JAZF1: variants seen among roughly 807,000 people sequenced by gnomAD.
The protein encoded by JAZF1 is JAZF zinc finger 1.
In JAZF1, 8 loss-of-function variants were observed where a neutral mutation model predicts 26.4. The observed-to-expected ratio is 0.30, with a 90% CI of 0.18 to 0.55. The LOEUF (loss-of-function observed/expected upper bound fraction) is 0.55, where lower values mean the gene tolerates loss of function less well. JAZF1 is among the 20% of genes least tolerant of loss of function. The pLI is 0.94. For missense variants in JAZF1, 199 were observed against 322.0 expected, an observed-to-expected ratio of 0.62 and a Z score of 2.92; for synonymous variants, 126 against 122.3, an observed-to-expected ratio of 1.03 and a Z score of -0.20.
At chr7:27,972,945 G>GTA (rs1554279106) in intron 2 of JAZF1, among the ~76,000 whole-genome samples, 8 of 123,716 alleles carry the variant, frequency 6.5e-5, no homozygotes, top group East Asian at 2.4e-4. Context: ...ATATGTGTGT[G>GTA]TATATATACA....
intron 4 of JAZF1, among the ~76,000 whole-genome samples, chr7:27,837,863 CAA>C (rs1782847378): frequency 1.3e-5 from 2 of 152,142 alleles, no homozygotes; most frequent in African/African-American, 4.8e-5. Context: ...CACAAATTTA[CAA>C]AGTCAGAAGA....
At chr7:28,131,798 T>G (rs916403182) in intron 1 of JAZF1, among the ~76,000 whole-genome samples, 20 of 152,342 alleles carry the variant, frequency 1.3e-4, no homozygotes, top group African/African-American at 4.8e-4. Context: ...GGCTGTTACT[T>G]TGCCATGGGC....
intron 1 of JAZF1, among the ~76,000 whole-genome samples, chr7:28,032,256 A>G (rs1403923065): frequency 2.0e-5 from 3 of 152,240 alleles, no homozygotes; most frequent in East Asian, 3.8e-4. Flanking sequence ...TGAAATCTGC[A>G]TAAGAATCAA....
At chr7:27,969,510 T>C (rs1785337372) in intron 2 of JAZF1, among the ~76,000 whole-genome samples, 1 of 151,846 alleles carries the variant, frequency 6.6e-6, no homozygotes, top group South Asian at 2.1e-4. Flanking sequence ...GAATTGACTG[T>C]CAAGGAAAAT....
intron 1 of JAZF1, among the ~76,000 whole-genome samples, chr7:28,130,040 A>G (rs1782765211): frequency 2.0e-5 from 3 of 152,216 alleles, no homozygotes; most frequent in Admixed American, 6.5e-5. Flanking sequence ...TAACCAGCAC[A>G]TAAATACAAA....
chr7:28,150,462 T>G (rs1783094810), intron 1 of JAZF1, among the ~76,000 whole-genome samples: 1 of 152,222 alleles, frequency 6.6e-6, no homozygotes, highest in African/African-American at 2.4e-5. Context: ...GTGCACACAT[T>G]CATCAAAAGG....
chr7:27,999,770 G>A (rs1368737031), intron 1 of JAZF1, among the ~76,000 whole-genome samples: 1 of 152,188 alleles, frequency 6.6e-6, no homozygotes, highest in Non-Finnish European at 1.5e-5. Flanking sequence ...CCCTGGACAT[G>A]CAGTACCACA....
chr7:28,165,685 G>A (rs572554685), intron 1 of JAZF1, among the ~76,000 whole-genome samples: 15 of 152,056 alleles, frequency 9.9e-5, no homozygotes, highest in South Asian at 6.2e-4. Flanking sequence ...CCCCTTCATT[G>A]AGCTTCACTG....
intron 3 of JAZF1, among the ~76,000 whole-genome samples, chr7:27,858,330 C>T (rs142423102): frequency 5.3e-4 from 81 of 152,296 alleles, no homozygotes; most frequent in Non-Finnish European, 9.4e-4. Context: ...AGATTCAATG[C>T]TATCCTCATC....
intron 3 of JAZF1, chr7:27,846,617 T>C (rs1411442703): frequency 6.5e-6 from 3 of 463,632 alleles, no homozygotes; most frequent in African/African-American, 6.0e-5. Flanking sequence ...ACACTTGTTA[T>C]TACTTGTCTT....
At chr7:28,124,643 A>T (rs1782668144) in intron 1 of JAZF1, among the ~76,000 whole-genome samples, 1 of 152,224 alleles carries the variant, frequency 6.6e-6, no homozygotes, top group African/African-American at 2.4e-5. Flanking sequence ...ACCAAAGTGG[A>T]GTATAAAATA....
chr7:28,133,590 A>C (rs887545510), intron 1 of JAZF1, among the ~76,000 whole-genome samples: 1 of 152,188 alleles, frequency 6.6e-6, no homozygotes, highest in Admixed American at 6.5e-5. Context: ...AAAACCTAGA[A>C]CCAGGCTTCC....
chr7:27,912,679 T>C (rs1350079711), intron 2 of JAZF1, among the ~76,000 whole-genome samples: 1 of 152,132 alleles, frequency 6.6e-6, no homozygotes, highest in Non-Finnish European at 1.5e-5. Flanking sequence ...ATTAAGACAT[T>C]TCCAACTTTT....
intron 2 of JAZF1, among the ~76,000 whole-genome samples, chr7:27,897,445 G>A (rs1749397586): frequency 6.6e-6 from 1 of 152,198 alleles, no homozygotes; most frequent in African/African-American, 2.4e-5. Flanking sequence ...GAGTAGGTAA[G>A]GAATTAACGT....
chr7:27,924,209 C>T (rs1784577304), intron 2 of JAZF1, among the ~76,000 whole-genome samples: 2 of 152,188 alleles, frequency 1.3e-5, no homozygotes, highest in African/African-American at 2.4e-5. Flanking sequence ...TCCCGAGCAG[C>T]TGGAATTACA....
chr7:28,110,799 C>T (rs901872896), intron 1 of JAZF1, among the ~76,000 whole-genome samples: 1 of 152,170 alleles, frequency 6.6e-6, no homozygotes, highest in Non-Finnish European at 1.5e-5. Context: ...GATGTGCCCA[C>T]ATGGCTGGCC....
At chr7:28,016,566 G>A (rs1452624627) in intron 1 of JAZF1, among the ~76,000 whole-genome samples, 2 of 152,166 alleles carry the variant, frequency 1.3e-5, no homozygotes, top group African/African-American at 2.4e-5. Context: ...GGGCCAAGGG[G>A]GCATTGTTTG....
intron 1 of JAZF1, among the ~76,000 whole-genome samples, chr7:28,008,457 C>T (rs1031398916): frequency 5.3e-5 from 8 of 152,156 alleles, no homozygotes; most frequent in African/African-American, 1.9e-4. Flanking sequence ...GTGAATCATA[C>T]ATTTTAATTG....
At chr7:28,046,048 C>G (rs759877942) in intron 1 of JAZF1, among the ~76,000 whole-genome samples, 8 of 152,158 alleles carry the variant, frequency 5.3e-5, no homozygotes, top group Non-Finnish European at 8.8e-5. Context: ...TTAATTACTA[C>G]AAGAACTGTG....
Sources: allele counts gnomAD v4.1 joint callset (sites outside exome capture counted in the v4.1 genomes callset), GRCh38; gene constraint gnomAD v4.1.1; transcripts MANE v1.5; gene names NCBI Gene and HGNC (gene_info 2026-07-23, HGNC 2026-07-21).